The following CDC20B variants were observed in gnomAD, a reference collection of about 807,000 sequenced individuals.
CDC20B encodes the protein cell division cycle protein 20 homolog B.
CDC20B carries 58 observed loss-of-function variants against 64.1 expected under a neutral mutation model. That is an observed-to-expected ratio of 0.90 (90% CI 0.73 to 1.13). The LOEUF (loss-of-function observed/expected upper bound fraction) is 1.13. CDC20B is among the 50% of genes most tolerant of loss of function. The probability of loss-of-function intolerance (pLI) is 0.00; values close to 1 mark genes in which losing one functional copy is unlikely to be tolerated. For synonymous variants in CDC20B, 243 were observed against 230.6 expected, an observed-to-expected ratio of 1.05 and a Z score of -0.49; for missense variants, 597 against 633.0, an observed-to-expected ratio of 0.94 and a Z score of 0.61.
chr5:55,170,717 A>G, intron 2 of CDC20B: 1 of 534,212 alleles, frequency 1.9e-6, no homozygotes, highest in South Asian at 1.4e-5. Context: ...CCAGCTAACA[A>G]TACACTGCCT....
chr5:55,116,779 ATGG>A, intron 11 of CDC20B, among the ~76,000 whole-genome samples: 1 of 152,374 alleles, frequency 6.6e-6, no homozygotes, highest in Non-Finnish European at 1.5e-5. Context: ...AAAAGGAATA[ATGG>A]TGGGGGGAAA....
chr5:55,124,037 C>T (rs1444573311), intron 9 of CDC20B, among the ~76,000 whole-genome samples: 1 of 152,114 alleles, frequency 6.6e-6, no homozygotes, highest in African/African-American at 2.4e-5. Flanking sequence ...TCTGGGACTA[C>T]GTTGAGGTCA....
chr5:55,143,361 A>G (rs1743381096), intron 4 of CDC20B, 152 bp downstream of exon 4: 8 of 748,286 alleles, frequency 1.1e-5, no homozygotes, highest in Non-Finnish European at 1.4e-5. Context: ...AAGTGGCTCT[A>G]TTCATATCCT....
chr5:55,160,968 G>T, intron 2 of CDC20B: 1 of 1,583,868 alleles, frequency 6.3e-7, no homozygotes, highest in South Asian at 1.2e-5. Context: ...TCACTTTCCG[G>T]TTGGATTTTT....
Position 55,172,962 on chromosome 5 carries a change from G to A in CDC20B, c.39C>T (p.Val13=). Residue 13 remains valine (V), a synonymous_variant, in exon 1 of 12, where the codon GTC becomes GTT. Transcript: ENST00000381375. The stretch of plus-strand genomic sequence containing the variant: ...CCCACAGCATCTCCTCTTCCGTGCG[G>A]ACCCTCCGAGGCGCGGTGCGCTCCA... The part of the protein sequence containing the change: ...WKLERTAPRR[V]RTEEEMLWES... The A allele has an allele frequency of 6.2e-7, 1 of 1,611,786 alleles. No individual in the cohort carries two copies. Among genetic ancestry groups the A allele is most frequent in the Non-Finnish European group, 8.5e-7 (1 of 1,179,184 alleles).
intron 2 of CDC20B, among the ~76,000 whole-genome samples, chr5:55,155,089 AG>A (rs1743772657): frequency 6.6e-6 from 1 of 152,162 alleles, no homozygotes; most frequent in African/African-American, 2.4e-5. Context: ...AGGAAGAGGA[AG>A]ATAAGAAAAG....
intron 2 of CDC20B, chr5:55,166,686 G>A (rs1390806470): frequency 6.6e-6 from 1 of 152,158 alleles, no homozygotes; most frequent in African/African-American, 2.4e-5. Flanking sequence ...AAAAAGTCTG[G>A]GACACAGAGT....
Position 55,170,755 on chromosome 5 carries a change from G to A in CDC20B, c.126+1833C>T, listed in dbSNP as rs371779986. 82 of 518,242 alleles carry A rather than the reference G, an allele frequency of 1.6e-4. 1 individual carries two copies. In the East Asian group the frequency reaches 1.8e-3, roughly 12 times the overall value. The allele number at this position is 518,242 out of a possible 1,614,324, so 32.1% of individuals were successfully genotyped here. A position where few individuals can be genotyped will look rare whatever the true frequency, so the allele number is the denominator to read the frequency against. On this transcript the variant is annotated intron_variant, in intron 2 of 11. Transcript: ENST00000381375. ...CTGATTCAGGTCACTGCCGATTCTC[G>A]TGGCCCAGGCAGTCACTGAGGCTAA... is the stretch of plus-strand genomic sequence containing the variant.
chr5:55,143,075 C>T (rs969087390), intron 4 of CDC20B, among the ~76,000 whole-genome samples: 1 of 151,930 alleles, frequency 6.6e-6, no homozygotes, highest in South Asian at 2.1e-4. Context: ...ACAAGAAAGG[C>T]TTAAGGGAAA....
At chr5:55,140,196 C>T (rs566884616) in intron 5 of CDC20B, 118 bp downstream of exon 5, 9 of 543,178 alleles carry the variant, frequency 1.7e-5, no homozygotes, top group African/African-American at 1.6e-4. Flanking sequence ...TCATATTTTA[C>T]AATTAGGTTG....
chr5:55,162,685 T>C (rs1349805857), intron 2 of CDC20B, among the ~76,000 whole-genome samples: 1 of 152,230 alleles, frequency 6.6e-6, no homozygotes, highest in African/African-American at 2.4e-5. Flanking sequence ...ATTTTGAAGG[T>C]CCACTGAGGA....
chr5:55,115,903 C>A (rs1742611809), intron 11 of CDC20B, among the ~76,000 whole-genome samples: 1 of 152,184 alleles, frequency 6.6e-6, no homozygotes, highest in Non-Finnish European at 1.5e-5. Context: ...CGCACACACA[C>A]ACCACACACA....
chr5:55,136,307 C>A (rs543495799), intron 5 of CDC20B, among the ~76,000 whole-genome samples: 161 of 151,908 alleles, frequency 1.1e-3, no homozygotes, highest in African/African-American at 3.7e-3. Context: ...CACCTGTAAT[C>A]CCAGCACTTT....
intron 2 of CDC20B, among the ~76,000 whole-genome samples, chr5:55,147,825 A>C (rs1480087687): frequency 1.3e-5 from 2 of 152,174 alleles, no homozygotes; most frequent in East Asian, 1.9e-4. Context: ...GAAATGATAA[A>C]ATTTCAAATC....
chr5:55,152,736 T>G (rs1411770485), intron 2 of CDC20B, among the ~76,000 whole-genome samples: 4 of 152,208 alleles, frequency 2.6e-5, no homozygotes, highest in Non-Finnish European at 4.4e-5. Flanking sequence ...CTTTTTTACT[T>G]TCTCTCCTGC....
intron 9 of CDC20B, among the ~76,000 whole-genome samples, chr5:55,124,209 C>G (rs190174793): frequency 6.6e-6 from 1 of 152,164 alleles, no homozygotes; most frequent in African/African-American, 2.4e-5. Context: ...TCTTTTCTTA[C>G]GTGTGAGCTT....
chr5:55,172,467 G>A, intron 2 of CDC20B, 121 bp downstream of exon 2: 1 of 761,222 alleles, frequency 1.3e-6, no homozygotes, highest in Non-Finnish European at 2.2e-6. Context: ...TATGTAATAA[G>A]ATACTAAAAT....
chr5:55,155,496 G>A (rs112564103), intron 2 of CDC20B, among the ~76,000 whole-genome samples: 38 of 152,094 alleles, frequency 2.5e-4, no homozygotes, highest in African/African-American at 7.2e-4. Context: ...AGTGTGTGCC[G>A]CTCCCACCCA....
rs1245352118 is a variant in CDC20B, at chr5:55,133,399, A to C, written c.697+13T>G. On this transcript the variant is annotated intron_variant, in intron 6 of 11. Transcript: ENST00000381375. ...ATTTCAACTTTTAATTCCCAATCTA[A>C]ATGATAACTTACAGTAGTCATTTCG... is the stretch of plus-strand genomic sequence containing the variant. 2.3e-6 allele frequency: 3 copies of C among 1,322,104 alleles called. No homozygotes were observed. Among genetic ancestry groups the C allele is most frequent in the Non-Finnish European group, 2.1e-6 (2 of 953,380 alleles). The allele number at this position is 1,322,104 out of a possible 1,614,324, so 81.9% of individuals were successfully genotyped here. A position where few individuals can be genotyped will look rare whatever the true frequency, so the allele number is the denominator to read the frequency against.
Sources: allele counts gnomAD v4.1 joint callset (sites outside exome capture counted in the v4.1 genomes callset), GRCh38; gene constraint gnomAD v4.1.1; transcripts MANE v1.5; gene names NCBI Gene and HGNC (gene_info 2026-07-23, HGNC 2026-07-21).